Variants in CPNE4 observed in about 807,000 individuals in gnomAD.
The protein encoded by CPNE4 is copine-4.
In CPNE4, 25 loss-of-function variants were observed where a neutral mutation model predicts 67.9. The ratio of observed to expected loss-of-function variants is 0.37; its 90% CI spans 0.27 to 0.51. The LOEUF (loss-of-function observed/expected upper bound fraction) is 0.51, where lower values mean the gene tolerates loss of function less well. CPNE4 is among the 20% of genes least tolerant of loss of function. CPNE4 has a pLI of 0.93. For missense variants in CPNE4, 464 were observed against 690.8 expected, an observed-to-expected ratio of 0.67 and a Z score of 3.68; for synonymous variants, 242 against 244.9, an observed-to-expected ratio of 0.99 and a Z score of 0.11.
chr3:131,877,935 T>C lies in CPNE4; in HGVS notation c.180+27329A>G, dbSNP rs185255402. 6.6e-5 allele frequency among the ~76,000 whole-genome samples: 10 copies of C among 152,302 alleles called. No individual in the cohort carries two copies. In the East Asian group the frequency reaches 1.9e-3, roughly 29 times the overall value. On this transcript the variant is annotated intron_variant, in intron 2 of 15. Coordinates refer to ENST00000429747, the MANE Select transcript of CPNE4 (RefSeq NM_130808.3). ...GCAGATTAAAATCCCATTGAGACAC[T>C]ACTACATATTCACCAGGATGGCTAA...
intron 2 of CPNE4, among the ~76,000 whole-genome samples, chr3:131,747,764 G>A (rs1300193927): frequency 6.6e-6 from 1 of 152,036 alleles, no homozygotes; most frequent in Non-Finnish European, 1.5e-5. Context: ...AGATTCTTTG[G>A]AATTTTCTAT....
chr3:131,578,207 A>G (rs1316466864), intron 9 of CPNE4, among the ~76,000 whole-genome samples: 1 of 152,134 alleles, frequency 6.6e-6, no homozygotes, highest in Non-Finnish European at 1.5e-5. Context: ...ACATTTTGGT[A>G]ATTGTAATAT....
chr3:131,965,079 T>C (rs1420704724), intron 1 of CPNE4, among the ~76,000 whole-genome samples: 1 of 152,158 alleles, frequency 6.6e-6, no homozygotes, highest in Non-Finnish European at 1.5e-5. Flanking sequence ...TCAACATTCT[T>C]AAAGAAAAGA....
chr3:131,648,690 A>T (rs1582953449), intron 7 of CPNE4, among the ~76,000 whole-genome samples: 2 of 152,362 alleles, frequency 1.3e-5, no homozygotes, highest in South Asian at 4.1e-4. Flanking sequence ...CTTGATTATA[A>T]ATTTTTTCAT....
At chr3:131,694,153 G>C (rs557546989) in intron 5 of CPNE4, among the ~76,000 whole-genome samples, 2 of 152,092 alleles carry the variant, frequency 1.3e-5, no homozygotes, top group African/African-American at 2.4e-5. Context: ...CAATTTTTAA[G>C]TGTATGTAGA....
intron 2 of CPNE4, among the ~76,000 whole-genome samples, chr3:131,825,082 AG>A (rs1264796570): frequency 2.0e-5 from 3 of 152,208 alleles, no homozygotes; most frequent in African/African-American, 7.2e-5. Context: ...GAGATTCCTT[AG>A]CAGCTTTTGG....
chr3:131,662,564 T>C (rs113447191), intron 7 of CPNE4, among the ~76,000 whole-genome samples: 5 of 152,156 alleles, frequency 3.3e-5, no homozygotes, highest in African/African-American at 1.2e-4. Flanking sequence ...TTGCAATCTA[T>C]CCATTTGACA....
chr3:132,012,514 C>T (rs2073792916), intron 1 of CPNE4, among the ~76,000 whole-genome samples: 1 of 152,024 alleles, frequency 6.6e-6, no homozygotes, highest in African/African-American at 2.4e-5. Flanking sequence ...TCCTTGGTCA[C>T]AGTGTGCTGA....
At position 131,607,819 on chromosome 3, in the gene CPNE4, G is replaced by A. The variant is rs564213556; in HGVS notation, c.682-20237C>T. 2.6e-5 allele frequency among the ~76,000 whole-genome samples: 4 copies of A among 152,270 alleles called. No homozygotes were observed. The South Asian group carries it at 6.2e-4, about 24-fold the overall frequency. ...TTTTGCTATTGCAGAAACTCTGAGA[G>A]CCTTTGAAATGACAATGTGCAATGC... On this transcript the variant is annotated intron_variant, in intron 7 of 15. Coordinates refer to ENST00000429747, the MANE Select transcript of CPNE4 (RefSeq NM_130808.3).
At chr3:131,608,821 G>T (rs931632117) in intron 7 of CPNE4, among the ~76,000 whole-genome samples, 2 of 152,058 alleles carry the variant, frequency 1.3e-5, no homozygotes, top group Non-Finnish European at 2.9e-5. Flanking sequence ...GACCCCTGAT[G>T]GTCTCTGCCT....
chr3:131,754,993 G>T (rs1202814439), intron 2 of CPNE4, among the ~76,000 whole-genome samples: 1 of 152,060 alleles, frequency 6.6e-6, no homozygotes, highest in African/African-American at 2.4e-5. Flanking sequence ...AATGAGGGTG[G>T]TGGGGTCCGA....
chr3:131,567,226 A>G (rs970465238), intron 10 of CPNE4, among the ~76,000 whole-genome samples: 1 of 151,998 alleles, frequency 6.6e-6, no homozygotes, highest in Non-Finnish European at 1.5e-5. Flanking sequence ...AAAAAAATCC[A>G]TAAAGAAAAA....
chr3:132,010,353 C>T (rs1207044657), intron 1 of CPNE4, among the ~76,000 whole-genome samples: 3 of 152,132 alleles, frequency 2.0e-5, no homozygotes, highest in African/African-American at 2.4e-5. Context: ...GAAAAACGAA[C>T]AAAATATGGT....
chr3:131,899,417 C>T (rs539189279), intron 2 of CPNE4, among the ~76,000 whole-genome samples: 7 of 152,174 alleles, frequency 4.6e-5, no homozygotes, highest in East Asian at 3.9e-4. Flanking sequence ...CTTTGAGTTA[C>T]GGCAATTACT....
chr3:131,908,868 T>TGAA, intron 1 of CPNE4, among the ~76,000 whole-genome samples: 1 of 152,218 alleles, frequency 6.6e-6, no homozygotes, highest in East Asian at 1.9e-4. Context: ...ATATCTATCT[T>TGAA]GAAGAGGTGC....
chr3:131,642,994 A>G (rs888263956), intron 7 of CPNE4, among the ~76,000 whole-genome samples: 2 of 152,184 alleles, frequency 1.3e-5, no homozygotes, highest in African/African-American at 4.8e-5. Flanking sequence ...AAACGGGCAG[A>G]GATTGGAACA....
At chr3:131,826,534 C>T (rs2085166423) in intron 2 of CPNE4, among the ~76,000 whole-genome samples, 3 of 152,164 alleles carry the variant, frequency 2.0e-5, no homozygotes, top group African/African-American at 7.2e-5. Context: ...ATCCAATGAG[C>T]TCTGTGTCTT....
chr3:131,961,237 G>T (rs994480193), intron 1 of CPNE4, among the ~76,000 whole-genome samples: 4 of 151,230 alleles, frequency 2.6e-5, no homozygotes, highest in Non-Finnish European at 5.9e-5. Context: ...TTTTCCTTAA[G>T]AAATCATTTC....
chr3:131,764,492 T>C lies in CPNE4; in HGVS notation c.181-40867A>G, dbSNP rs1265402809. ...CAATTGGAAGTCTGAATATGAAAAA[T>C]AATATTATAACTAAATTGTAACATA... On this transcript the variant is annotated intron_variant, in intron 2 of 15. Coordinates refer to ENST00000429747, the MANE Select transcript of CPNE4 (RefSeq NM_130808.3). 3.3e-5 allele frequency among the ~76,000 whole-genome samples: 5 copies of C among 152,254 alleles called. No homozygotes were observed. In the East Asian group the frequency reaches 9.6e-4, roughly 29 times the overall value.
Sources: gnomAD v4.1 joint callset for allele counts (sites outside exome capture counted in the v4.1 genomes callset) on GRCh38, gnomAD v4.1.1 for gene constraint, MANE v1.5 for transcripts, NCBI Gene and HGNC (gene_info 2026-07-23, HGNC 2026-07-21) for gene names.